The following STK32B variants were observed in gnomAD, a reference collection of about 807,000 sequenced individuals.
STK32B encodes serine/threonine kinase 32B.
STK32B carries 43 observed loss-of-function variants against 52.6 expected under a neutral mutation model. That is an observed-to-expected ratio of 0.82 (90% CI 0.64 to 1.05). STK32B has a LOEUF of 1.05. Among genes scored for constraint, STK32B ranks in the 50% least tolerant of loss-of-function variants. The pLI is 0.00. For synonymous variants in STK32B, 238 were observed against 204.3 expected, an observed-to-expected ratio of 1.17 and a Z score of -1.41; for missense variants, 621 against 534.6, an observed-to-expected ratio of 1.16 and a Z score of -1.59.
chr4:5,297,711 G>T (rs577040767), intron 3 of STK32B, among the ~76,000 whole-genome samples: 2 of 147,230 alleles, frequency 1.4e-5, no homozygotes, highest in South Asian at 4.3e-4. Context: ...TAGCTTCCTT[G>T]CATTAGGTTA....
chr4:5,255,810 A>G (rs7663511), intron 3 of STK32B, among the ~76,000 whole-genome samples: 18,767 of 152,098 alleles, frequency 0.12, 3,192 homozygotes, highest in African/African-American at 0.38. Context: ...AATATACTCT[A>G]TTTAATCATT....
intron 9 of STK32B, among the ~76,000 whole-genome samples, chr4:5,464,352 C>T (rs761436781): frequency 6.6e-6 from 1 of 152,222 alleles, no homozygotes; most frequent in Admixed American, 6.5e-5. Context: ...TCCCAGCCAG[C>T]GCCACCACCT....
intron 11 of STK32B, among the ~76,000 whole-genome samples, chr4:5,468,630 T>C (rs1717619017): frequency 6.6e-6 from 1 of 152,094 alleles, no homozygotes; most frequent in Non-Finnish European, 1.5e-5. Context: ...TGCTGGAACC[T>C]CAGCAGCCTG....
At chr4:5,498,785 C>T (rs1049009118) in intron 11 of STK32B, among the ~76,000 whole-genome samples, 160 bp from the exon 12 acceptor site, 1 of 152,236 alleles carries the variant, frequency 6.6e-6, no homozygotes. Context: ...CATCTGGCTA[C>T]AGTGCACAGC....
At chr4:5,150,361 C>G (rs1022250406) in intron 2 of STK32B, among the ~76,000 whole-genome samples, 1 of 152,146 alleles carries the variant, frequency 6.6e-6, no homozygotes, top group Non-Finnish European at 1.5e-5. Flanking sequence ...AGATTCACTT[C>G]CACTGATTAT....
chr4:5,331,926 A>G (rs1214339556), intron 4 of STK32B, among the ~76,000 whole-genome samples: 1 of 152,180 alleles, frequency 6.6e-6, no homozygotes, highest in African/African-American at 2.4e-5. Context: ...ACAGGTGAGC[A>G]AAGTGACTTT....
intron 4 of STK32B, among the ~76,000 whole-genome samples, chr4:5,341,969 A>G (rs181833606): frequency 7.2e-4 from 109 of 152,188 alleles, no homozygotes; most frequent in Non-Finnish European, 1.1e-3. Context: ...TACATTAGGT[A>G]TTTCTCCTAA....
chr4:5,165,323 T>C (rs966673551), intron 2 of STK32B, among the ~76,000 whole-genome samples: 9 of 152,198 alleles, frequency 5.9e-5, no homozygotes, highest in African/African-American at 2.2e-4. Flanking sequence ...CCAAGCTCTA[T>C]TGAAATCATG....
At chr4:5,280,660 C>G (rs908543358) in intron 3 of STK32B, among the ~76,000 whole-genome samples, 1 of 151,932 alleles carries the variant, frequency 6.6e-6, no homozygotes, top group South Asian at 2.1e-4. Context: ...TTTGGGAGGC[C>G]GAGGTGGGTG....
At chr4:5,474,327 C>T (rs1396148925) in intron 11 of STK32B, among the ~76,000 whole-genome samples, 2 of 152,200 alleles carry the variant, frequency 1.3e-5, no homozygotes, top group Non-Finnish European at 2.9e-5. Flanking sequence ...TCTTGCTGCT[C>T]ATGGTGCTGT....
chr4:5,394,311 G>A lies in STK32B; in HGVS notation c.435-3896G>A, dbSNP rs1303177448. On this transcript the variant is annotated intron_variant, in intron 4 of 11. Transcript: ENST00000282908. The surrounding 1 kb of genome is among the most constrained non-coding windows in gnomAD (Gnocchi z 4.2). ...TCTGTCCTCAGGAAACATCGTCACC[G>A]CCTTCCCATCCATGCAATGCTCCTG... is the stretch of plus-strand genomic sequence containing the variant. 3.9e-5 allele frequency among the ~76,000 whole-genome samples: 6 copies of A among 152,090 alleles called. No homozygotes were observed. Among genetic ancestry groups the A allele is most frequent in the South Asian group, 4.1e-4 (2 of 4,822 alleles).
intron 10 of STK32B, 119 bp downstream of exon 10, chr4:5,466,953 T>C (rs777514055): frequency 1.0e-5 from 14 of 1,336,170 alleles, no homozygotes; most frequent in Non-Finnish European, 1.3e-5. Flanking sequence ...AATTTCCTTA[T>C]TTTGCAGTAA....
chr4:5,325,411 A>T (rs903593536), intron 3 of STK32B, among the ~76,000 whole-genome samples: 1 of 152,060 alleles, frequency 6.6e-6, no homozygotes, highest in African/African-American at 2.4e-5. Flanking sequence ...GATTTGAGAC[A>T]CATTGATGGG....
intron 1 of STK32B, among the ~76,000 whole-genome samples, chr4:5,119,956 G>A (rs990498107): frequency 3.3e-5 from 5 of 152,172 alleles, no homozygotes; most frequent in Admixed American, 6.5e-5. Flanking sequence ...CTTATCTGTG[G>A]TTTCACTTTC....
At chr4:5,111,400 GGT>G (rs985767371) in intron 1 of STK32B, among the ~76,000 whole-genome samples, 1 of 151,978 alleles carries the variant, frequency 6.6e-6, no homozygotes, top group African/African-American at 2.4e-5. Flanking sequence ...AAGAAATTGT[GGT>G]GTGTGTGTGT....
intron 3 of STK32B, among the ~76,000 whole-genome samples, chr4:5,316,327 A>G (rs1214087887): frequency 4.8e-5 from 3 of 62,942 alleles, no homozygotes; most frequent in Non-Finnish European, 7.3e-5. Flanking sequence ...ATTATATATT[A>G]TATACAATAT....
At chr4:5,082,141 G>C (rs1712474902) in intron 1 of STK32B, among the ~76,000 whole-genome samples, 1 of 151,994 alleles carries the variant, frequency 6.6e-6, no homozygotes, top group African/African-American at 2.4e-5. Context: ...CCCTTGGAGG[G>C]ATTTCTTAAG....
chr4:5,467,954 C>T lies in STK32B; in HGVS notation c.1042-52C>T, dbSNP rs377621127. 1.2e-4 allele frequency: 188 copies of T among 1,602,016 alleles called. No homozygotes were observed. The highest frequency in any genetic ancestry group is 2.2e-4 in the Admixed American group (13 of 59,976). ...CGTCCTGTGATGCTCCATTACCGCG[C>T]GTCCCCGGACCGTGCTTTGTCATTT... is the stretch of plus-strand genomic sequence containing the variant. On this transcript the variant is annotated intron_variant, in intron 10 of 11. Transcript: ENST00000282908. The surrounding 1 kb of genome is among the most constrained non-coding windows in gnomAD (Gnocchi z 5.8).
At chr4:5,439,288 T>C (rs200277888) in intron 6 of STK32B, among the ~76,000 whole-genome samples, 314 of 151,504 alleles carry the variant, frequency 2.1e-3, no homozygotes, top group African/African-American at 6.2e-3. Flanking sequence ...TTTTAATGAT[T>C]GCCATTCTAA....
Sources: allele counts gnomAD v4.1 joint callset (sites outside exome capture counted in the v4.1 genomes callset), GRCh38; gene constraint gnomAD v4.1.1; non-coding constraint Gnocchi (gnomAD v3.1); transcripts MANE v1.5; gene names NCBI Gene and HGNC (gene_info 2026-07-23, HGNC 2026-07-21).